The following CCDC69 variants were observed in gnomAD, a reference collection of about 807,000 sequenced individuals.
The protein encoded by CCDC69 is coiled-coil domain containing 69.
A neutral mutation model predicts 40.3 loss-of-function variants in CCDC69; 38 were observed. The observed-to-expected ratio is 0.94, with a 90% CI of 0.73 to 1.24. The LOEUF (loss-of-function observed/expected upper bound fraction) is 1.24. Ranked by LOEUF, CCDC69 falls within the 50% of genes most tolerant of loss-of-function variation. The pLI is 0.00. For synonymous variants in CCDC69, 141 were observed against 138.9 expected, an observed-to-expected ratio of 1.02 and a Z score of -0.11; for missense variants, 389 against 357.9, an observed-to-expected ratio of 1.09 and a Z score of -0.70.
chr5:151,215,219 T>C (rs572157441), intron 1 of CCDC69, among the ~76,000 whole-genome samples: 11 of 152,276 alleles, frequency 7.2e-5, no homozygotes, highest in African/African-American at 1.9e-4. Flanking sequence ...AGGTCCTAGC[T>C]TGCCATCTGA....
Position 151,185,269 on chromosome 5 carries a change from C to T in CCDC69, c.615+153G>A. 3.9e-6 allele frequency: 3 copies of T among 771,106 alleles called. 1 individual carries two copies. Among genetic ancestry groups the T allele is most frequent in the Non-Finnish European group, 6.3e-6 (3 of 476,398 alleles). 47.8% of individuals were successfully genotyped at this position (771,106 alleles called of 1,614,324 possible). On this transcript the variant is annotated intron_variant, in intron 7 of 8. Transcript: ENST00000355417. ...TGCTTGACCCAGCCTGGCCACAGAC[C>T]ATGCTCAGTGGTCAGCACAGGTGGC...
intron 4 of CCDC69, among the ~76,000 whole-genome samples, chr5:151,190,203 T>G (rs1752586424): frequency 6.6e-6 from 1 of 152,218 alleles, no homozygotes; most frequent in Non-Finnish European, 1.5e-5. Context: ...TGTTCTTCCC[T>G]TGAGCTCTTT....
intron 1 of CCDC69, among the ~76,000 whole-genome samples, chr5:151,220,653 C>T (rs530168905): frequency 6.6e-6 from 1 of 152,160 alleles, no homozygotes; most frequent in East Asian, 1.9e-4. Context: ...CTGTGCTGAG[C>T]CCCTTCTCAG....
At chr5:151,188,921 A>C (rs375207424) in intron 4 of CCDC69, among the ~76,000 whole-genome samples, 220 of 152,328 alleles carry the variant, frequency 1.4e-3, no homozygotes, top group Middle Eastern at 6.8e-3. Flanking sequence ...ACTGAGCAAG[A>C]AGACCAGAAT....
intron 2 of CCDC69, among the ~76,000 whole-genome samples, chr5:151,203,836 A>T (rs1486467811): frequency 1.8e-5 from 2 of 112,458 alleles, no homozygotes; most frequent in African/African-American, 1.0e-4. Context: ...TATATATATA[A>T]AATATATATC....
At chr5:151,211,924 G>A (rs371086287) in intron 1 of CCDC69, among the ~76,000 whole-genome samples, 3 of 151,728 alleles carry the variant, frequency 2.0e-5, no homozygotes, top group Middle Eastern at 3.4e-3. Context: ...AGCAACTACT[G>A]AGTGGAAAAT....
intron 4 of CCDC69, among the ~76,000 whole-genome samples, chr5:151,191,907 G>A (rs571830098): frequency 1.3e-5 from 2 of 151,812 alleles, no homozygotes; most frequent in Admixed American, 1.3e-4. Context: ...AACATAGAGA[G>A]ACCTGCCTCT....
Position 151,210,354 on chromosome 5 carries a change from G to A in CCDC69, c.49-4879C>T, listed in dbSNP as rs116178691. 4.2e-3 allele frequency among the ~76,000 whole-genome samples: 642 copies of A among 152,144 alleles called. 2 individuals carry two copies. Among genetic ancestry groups the A allele is most frequent in the Non-Finnish European group, 6.9e-3 (467 of 68,004 alleles). ...AGGTCAGGAGTTCGAGACTAGCCTG[G>A]CCAACCTGTGAAACCCCGTCTCTAC... On this transcript the variant is annotated intron_variant, in intron 1 of 8. Transcript: ENST00000355417.
chr5:151,198,900 G>C (rs779915293), intron 4 of CCDC69, 97 bp downstream of exon 4: 28 of 872,036 alleles, frequency 3.2e-5, no homozygotes, highest in Non-Finnish European at 5.5e-5. Flanking sequence ...CAGACAGACA[G>C]GGAGGGAACA....
At chr5:151,195,662 T>C (rs1752688769) in intron 4 of CCDC69, among the ~76,000 whole-genome samples, 1 of 126,742 alleles carries the variant, frequency 7.9e-6, no homozygotes, top group Non-Finnish European at 1.6e-5. Flanking sequence ...GAGGTTACAG[T>C]GAACCGAGAT....
At chr5:151,193,074 C>T (rs1752643263) in intron 4 of CCDC69, among the ~76,000 whole-genome samples, 1 of 152,060 alleles carries the variant, frequency 6.6e-6, no homozygotes, top group African/African-American at 2.4e-5. Flanking sequence ...AGGTTATATG[C>T]AAATAATACG....
At chr5:151,186,283 G>C (rs1050451696) in intron 5 of CCDC69, among the ~76,000 whole-genome samples, 159 bp from the exon 6 acceptor site, 1 of 151,296 alleles carries the variant, frequency 6.6e-6, no homozygotes, top group Non-Finnish European at 1.5e-5. Flanking sequence ...ACCACTGCTT[G>C]AGATCTACCA....
chr5:151,193,786 T>A (rs1752657467), intron 4 of CCDC69, among the ~76,000 whole-genome samples: 1 of 152,130 alleles, frequency 6.6e-6, no homozygotes, highest in African/African-American at 2.4e-5. Context: ...GTGAAAGACA[T>A]TATTAACAGA....
intron 2 of CCDC69, among the ~76,000 whole-genome samples, chr5:151,204,904 T>C (rs766013972): frequency 6.6e-6 from 1 of 152,152 alleles, no homozygotes; most frequent in Non-Finnish European, 1.5e-5. Flanking sequence ...CGCATGCAGA[T>C]TCATTACCTG....
chr5:151,203,266 T>C (rs1451234097), intron 2 of CCDC69, among the ~76,000 whole-genome samples: 1 of 151,976 alleles, frequency 6.6e-6, no homozygotes, highest in Non-Finnish European at 1.5e-5. Flanking sequence ...TCCCAGCACT[T>C]TGGGAGGCCG....
intron 1 of CCDC69, among the ~76,000 whole-genome samples, chr5:151,219,375 AC>A (rs1244542512): frequency 2.7e-5 from 4 of 150,090 alleles, no homozygotes; most frequent in African/African-American, 9.8e-5. Context: ...GCCTTCCTTG[AC>A]CCCCCCGAGT....
rs924019902 is a variant in CCDC69, at chr5:151,183,240, G to A, written c.*197C>T. 3.3e-5 allele frequency: 24 copies of A among 718,370 alleles called. No homozygotes were observed. Among genetic ancestry groups the A allele is most frequent in the East Asian group, 8.1e-5 (3 of 36,856 alleles). 44.5% of individuals were successfully genotyped at this position (718,370 alleles called of 1,614,324 possible). A position where few individuals can be genotyped will look rare whatever the true frequency, so the allele number is the denominator to read the frequency against. ...GCCAACTCAAGGGAAGACGCTTCTC[G>A]GGGCCTCCAAAACCCTGTGGGTGAT... On this transcript the variant is annotated 3_prime_UTR_variant, in exon 9 of 9. Transcript: ENST00000355417.
rs760684238 is a variant in CCDC69 at position 151,187,421 on chromosome 5, T to C, written c.358A>G (p.Thr120Ala). Reference sequence around the variant, plus strand: ...GAACTGGCCTCCCGGAAAGAGTGGGTAAGCGCTTCTTTCTCCTGTTCATAT... The same window carrying C: ...GAACTGGCCTCCCGGAAAGAGTGGGCAAGCGCTTCTTTCTCCTGTTCATAT... ...ASYEQEKEAL[T>A]HSFREASSTQ... is the part of the protein sequence containing the mutation. Residue 120 changes from threonine (T) to alanine (A), a missense_variant, in exon 5 of 9, where the codon ACC becomes GCC. Thr to Ala is a moderately conservative substitution (Grantham distance 58). Coordinates refer to ENST00000355417, the MANE Select transcript of CCDC69 (RefSeq NM_015621.3). 6.2e-7 allele frequency: 1 copy of C among 1,614,092 alleles called. No homozygotes were observed. Among genetic ancestry groups the C allele is most frequent in the Middle Eastern group, 1.7e-4 (1 of 6,056 alleles).
Position 151,214,351 on chromosome 5 carries a change from C to G in CCDC69, c.49-8876G>C, listed in dbSNP as rs113833830. 9.2e-3 allele frequency among the ~76,000 whole-genome samples: 1,393 copies of G among 152,224 alleles called. 9 individuals are homozygous for G. The highest frequency in any genetic ancestry group is 0.014 in the Non-Finnish European group (930 of 67,996). On this transcript the variant is annotated intron_variant, in intron 1 of 8. Transcript: ENST00000355417. ...GGAGTGTGGCCCAAGGGGCCCCACT[C>G]CAGGGCCTTCGGGGAGGAAGGGCGG...
Sources: gnomAD v4.1 joint callset for allele counts (sites outside exome capture counted in the v4.1 genomes callset) on GRCh38, gnomAD v4.1.1 for gene constraint, MANE v1.5 for transcripts, NCBI Gene and HGNC (gene_info 2026-07-23, HGNC 2026-07-21) for gene names.